SP7: variants seen among roughly 807,000 people sequenced by gnomAD.
SP7 encodes Sp7 transcription factor, also known as transcription factor Sp7.
In SP7, 13 loss-of-function variants were observed where a neutral mutation model predicts 27.9. That is an observed-to-expected ratio of 0.47 (90% confidence interval 0.30 to 0.74). The LOEUF is 0.74. Ranked by LOEUF, SP7 falls within the 30% of genes least tolerant of loss-of-function variation. The pLI, the probability that SP7 is intolerant of heterozygous loss-of-function variation, is 0.06. For synonymous variants in SP7, 219 were observed against 226.7 expected, an observed-to-expected ratio of 0.97 and a Z score of 0.31; for missense variants, 525 against 558.0, an observed-to-expected ratio of 0.94 and a Z score of 0.60.
rs75821839 is a variant in SP7 at position 53,332,845 on chromosome 12, C to G, written c.21+2781G>C. On this transcript the variant is annotated intron_variant, in intron 2 of 2. Coordinates refer to ENST00000536324, the MANE Select transcript of SP7 (RefSeq NM_001173467.3). Reference sequence around the variant, plus strand: ...AGGCCACTCCTCCCTTCTTCTCCCCCCTGACCGCCCCCTCTCCCTCTGCCC... The same window carrying G: ...AGGCCACTCCTCCCTTCTTCTCCCCGCTGACCGCCCCCTCTCCCTCTGCCC... 6.6e-5 allele frequency among the ~76,000 whole-genome samples: 10 copies of G among 152,262 alleles called. No individual in the cohort carries two copies. In the East Asian group the frequency reaches 7.7e-4, roughly 12 times the overall value.
chr12:53,336,051 G>C (rs891905877), intron 1 of SP7, 95 bp downstream of exon 1: 9 of 224,346 alleles, frequency 4.0e-5, no homozygotes, highest in Non-Finnish European at 6.2e-5. Flanking sequence ...TGAGGGGAGA[G>C]GTTAAAGGGA....
chr12:53,333,271 G>A lies in SP7; in HGVS notation c.21+2355C>T, dbSNP rs547422259. On this transcript the variant is annotated intron_variant, in intron 2 of 2. Coordinates refer to ENST00000536324, the MANE Select transcript of SP7 (RefSeq NM_001173467.3). ...TGTGTCCCCATACCTGATCAAATGTGTTCCCTTTCCAGGGCCCAGCAGTCC... is the reference window on the plus strand; with the variant it reads ...TGTGTCCCCATACCTGATCAAATGTATTCCCTTTCCAGGGCCCAGCAGTCC... 2.0e-4 allele frequency among the ~76,000 whole-genome samples: 30 copies of A among 152,292 alleles called. 1 individual carries two copies. Among genetic ancestry groups the A allele is most frequent in the African/African-American group, 6.7e-4 (28 of 41,552 alleles).
intron 2 of SP7, among the ~76,000 whole-genome samples, chr12:53,333,475 C>T (rs1386977970): frequency 9.2e-5 from 14 of 152,122 alleles, no homozygotes; most frequent in Non-Finnish European, 1.9e-4. Flanking sequence ...TCCCAGGGAG[C>T]TCATGGTGCA....
At position 53,327,969 on chromosome 12, in the gene SP7, T is replaced by C. The variant is rs1944651313; in HGVS notation, c.*177A>G. On this transcript the variant is annotated 3_prime_UTR_variant, in exon 3 of 3. Transcript: ENST00000536324. Reference sequence around the variant, plus strand: ...CCAGTCTCATGGTGAAGAGAGAAGGTGAGCTGAGGAGGCATGCAAGGAGAT... The same window carrying C: ...CCAGTCTCATGGTGAAGAGAGAAGGCGAGCTGAGGAGGCATGCAAGGAGAT... The C allele has an allele frequency of 3.3e-6, 2 of 602,142 alleles. No individual in the cohort carries two copies. 37.3% of individuals were successfully genotyped at this position (602,142 alleles called of 1,614,324 possible). A position where few individuals can be genotyped will look rare whatever the true frequency, so the allele number is the denominator to read the frequency against.
Position 53,328,196 on chromosome 12 carries a change from C to T in SP7, c.1246G>A (p.Glu416Lys). 8 of 1,613,282 alleles carry T rather than the reference C, an allele frequency of 5.0e-6. No homozygotes were observed. Among genetic ancestry groups the T allele is most frequent in the Non-Finnish European group, 6.8e-6 (8 of 1,179,690 alleles). Residue 416 changes from glutamate (E) to lysine (K), a missense_variant, in exon 3 of 3, where the codon GAG (glutamate) becomes AAG (lysine). Transcript: ENST00000536324. This position sits in a 1 kb window ranked among gnomAD's most constrained non-coding sequence, Gnocchi z 5.1. ...TCAGGGCTGCCTCCAGGGGCTTTCT[C>T]TGGGGTTGCTGGCGAGGCAGAAGGT... ...PRPSASPATP[E>K]KAPGGSPEQS...
intron 1 of SP7, 170 bp from the exon 2 acceptor site, chr12:53,335,863 C>A: frequency 7.2e-7 from 1 of 1,388,338 alleles, no homozygotes; most frequent in South Asian, 1.7e-5. Flanking sequence ...GCTCCAGATC[C>A]AATGAGGAGG....
chr12:53,332,294 T>C (rs886250132), intron 2 of SP7, among the ~76,000 whole-genome samples: 2 of 152,034 alleles, frequency 1.3e-5, no homozygotes, highest in Non-Finnish European at 2.9e-5. Context: ...AGAGGAAAAA[T>C]TGGCATTGAA....
At chr12:53,341,787 G>A (rs369766199) in intron 1 of SP7, among the ~76,000 whole-genome samples, 16 of 152,306 alleles carry the variant, frequency 1.1e-4, no homozygotes, top group East Asian at 9.6e-4. Flanking sequence ...CAGGCTGGCC[G>A]AGGTGGCTCA....
upstream of SP7, among the ~76,000 whole-genome samples, chr12:53,340,512 G>T (rs369421817): frequency 3.3e-5 from 5 of 152,176 alleles, no homozygotes; most frequent in East Asian, 7.7e-4. Flanking sequence ...TGGCCCCAGC[G>T]AACTCCCTGG....
chr12:53,339,252 C>T (rs1460111991), upstream of SP7, among the ~76,000 whole-genome samples: 1 of 152,198 alleles, frequency 6.6e-6, no homozygotes, highest in Non-Finnish European at 1.5e-5. Flanking sequence ...TGATGCCTTT[C>T]TGATATCCCA....
chr12:53,341,709 C>T (rs1264192514), intron 1 of SP7, among the ~76,000 whole-genome samples: 1 of 151,864 alleles, frequency 6.6e-6, no homozygotes, highest in East Asian at 1.9e-4. Flanking sequence ...TTTGGGAGGC[C>T]GAGGTGGGTG....
chr12:53,329,283 G>T lies in SP7; in HGVS notation c.159C>A (p.Asp53Glu), dbSNP rs374542718. The change falls in exon 3 of 3, where the codon GAC becomes GAA. Residue 53 changes from aspartate (D) to glutamate (E), a missense_variant. Coordinates refer to ENST00000536324, the MANE Select transcript of SP7 (RefSeq NM_001173467.3). ...CCCCCATGGTTTTGGAGGCTGAAAG[G>T]TCACTGCCCACAGAGTACGGCTTCT... The part of the protein sequence containing the change: ...GTKKPYSVGS[D>E]LSASKTMGDA... 2 of 1,613,734 alleles carry T rather than the reference G, an allele frequency of 1.2e-6. No individual in the cohort carries two copies. The highest frequency in any genetic ancestry group is 2.7e-5 in the African/African-American group (2 of 74,912).
chr12:53,328,263 C>T lies in SP7; in HGVS notation c.1179G>A (p.Glu393=), dbSNP rs953825143. ...CCTCCTCTTCCCCCGTGCTGCGGCC[C>T]TCCCCCAGCTCCTTGGGGCCACTGG... ...PPPSGPKELG[E]GRSTGEEEAS... is the part of the protein sequence containing the mutation. The change falls in exon 3 of 3, where the codon GAG becomes GAA. Residue 393 remains glutamate, a synonymous_variant. Coordinates refer to ENST00000536324, the MANE Select transcript of SP7 (RefSeq NM_001173467.3). This position sits in a 1 kb window ranked among gnomAD's most constrained non-coding sequence, Gnocchi z 5.1. The T allele has an allele frequency of 6.2e-7, 1 of 1,611,358 alleles. No individual in the cohort carries two copies. Among genetic ancestry groups the T allele is most frequent in the Non-Finnish European group, 8.5e-7 (1 of 1,178,662 alleles).
chr12:53,337,621 A>G (rs1186460574), upstream of SP7, among the ~76,000 whole-genome samples: 1 of 152,056 alleles, frequency 6.6e-6, no homozygotes, highest in Non-Finnish European at 1.5e-5. Flanking sequence ...GGAGTGCCCA[A>G]TTCCTTGCTC....
In SP7 at chr12:53,328,175, G is replaced by T. The variant is rs1179139783; in HGVS notation, c.1267C>A (p.Pro423Thr). Residue 423 changes from proline (P) to threonine (T), a missense_variant, in exon 3 of 3, where the codon CCT (proline) becomes ACT (threonine). Transcript: ENST00000536324. This position sits in a 1 kb window ranked among gnomAD's most constrained non-coding sequence, Gnocchi z 5.1. ...ATCTCCAGCAAGTTGCTCTGCTCAGGGCTGCCTCCAGGGGCTTTCTCTGGG... is the reference window on the plus strand; with the variant it reads ...ATCTCCAGCAAGTTGCTCTGCTCAGTGCTGCCTCCAGGGGCTTTCTCTGGG... ...ATPEKAPGGS[P>T]EQSNLLEI The T allele has an allele frequency of 1.2e-6, 2 of 1,612,700 alleles. No homozygotes were observed. The highest frequency in any genetic ancestry group is 1.7e-6 in the Non-Finnish European group (2 of 1,179,604).
In SP7 at chr12:53,327,949, C is replaced by T. The variant is rs1340298542; in HGVS notation, c.*197G>A. ...AGATGAGAGTTTGTGGAAAGCCAGTCTCATGGTGAAGAGAGAAGGTGAGCT... is the reference window on the plus strand; with the variant it reads ...AGATGAGAGTTTGTGGAAAGCCAGTTTCATGGTGAAGAGAGAAGGTGAGCT... On this transcript the variant is annotated 3_prime_UTR_variant, in exon 3 of 3. Coordinates refer to ENST00000536324, the MANE Select transcript of SP7 (RefSeq NM_001173467.3). 14 of 568,544 alleles carry T rather than the reference C, an allele frequency of 2.5e-5. No individual in the cohort carries two copies. The East Asian group carries it at 4.3e-4, about 17-fold the overall frequency. The allele number at this position is 568,544 out of a possible 1,614,324, so 35.2% of individuals were successfully genotyped here.
Position 53,328,880 on chromosome 12 carries a change from G to C in SP7, c.562C>G (p.Gln188Glu), listed in dbSNP as rs1217722656. ...LQGTLPTGPA[Q>E]PPLNPQLPTY... The stretch of plus-strand genomic sequence containing the variant: ...GGCAGCTGGGGGTTCAGTGGAGGCT[G>C]AGCTGGACCTGTGGGCAGTGTCCCT... Residue 188 changes from glutamine (Q) to glutamate (E), a missense_variant, in exon 3 of 3, where the codon CAG becomes GAG. By Grantham distance (29) the Gln-to-Glu change is conservative. Coordinates refer to ENST00000536324, the MANE Select transcript of SP7 (RefSeq NM_001173467.3). The surrounding 1 kb of genome is among the most constrained non-coding windows in gnomAD (Gnocchi z 5.1). 1.2e-6 allele frequency: 2 copies of C among 1,610,056 alleles called. No individual in the cohort carries two copies. The highest frequency in any genetic ancestry group is 3.3e-5 in the Admixed American group (2 of 59,848).
upstream of SP7, among the ~76,000 whole-genome samples, chr12:53,337,381 C>G (rs926257612): frequency 6.6e-6 from 1 of 152,224 alleles, no homozygotes; most frequent in African/African-American, 2.4e-5. Flanking sequence ...CCCAAAAAGT[C>G]TATTACCTGA....
intron 2 of SP7, among the ~76,000 whole-genome samples, chr12:53,333,867 G>A (rs1944735769): frequency 6.6e-6 from 1 of 151,068 alleles, no homozygotes; most frequent in Admixed American, 6.6e-5. Context: ...TCGTGTTGCA[G>A]GCATCTCCAG....
Sources: gnomAD v4.1 joint callset for allele counts (sites outside exome capture counted in the v4.1 genomes callset) on GRCh38, gnomAD v4.1.1 for gene constraint, Gnocchi (gnomAD v3.1) non-coding constraint, MANE v1.5 for transcripts, NCBI Gene and HGNC (gene_info 2026-07-23, HGNC 2026-07-21) for gene names.